TECPR2: variants seen among roughly 807,000 people sequenced by gnomAD.
The protein encoded by TECPR2 is tectonin beta-propeller repeat-containing protein 2.
TECPR2 carries 65 observed loss-of-function variants against 138.1 expected under a neutral mutation model. The observed-to-expected ratio is 0.47, with a 90% CI of 0.39 to 0.58. The LOEUF is 0.58. Among genes scored for constraint, TECPR2 ranks in the 20% least tolerant of loss-of-function variants. TECPR2 has a pLI of 0.00. For missense variants in TECPR2, 1,553 were observed against 1,824.5 expected (o/e 0.85, Z 2.71); for synonymous variants, 746 against 749.8 (o/e 0.99, Z 0.08).
rs10438240 is a variant in TECPR2 at position 102,415,371 on chromosome 14, T to G, written c.638+578T>G. On this transcript the variant is annotated intron_variant, in intron 5 of 19. Coordinates refer to ENST00000359520, the MANE Select transcript of TECPR2 (RefSeq NM_014844.5). This position sits in a 1 kb window ranked among gnomAD's most constrained non-coding sequence, Gnocchi z 4.3. ...AGGTGAAGGGTCAGGGAAGACATCC[T>G]GAAGGCATGGGTTCCAGGTTGAGAG... Among the ~76,000 whole-genome samples, 898 of 152,304 alleles carry G rather than the reference T, an allele frequency of 5.9e-3. 9 individuals are homozygous for G. The highest frequency in any genetic ancestry group is 0.021 in the African/African-American group (855 of 41,564).
chr14:102,371,218 G>A (rs952830298), intron 1 of TECPR2, among the ~76,000 whole-genome samples: 6 of 152,166 alleles, frequency 3.9e-5, no homozygotes, highest in Non-Finnish European at 5.9e-5. Context: ...CTGGGGGTTG[G>A]GTGAGGTGGA....
At chr14:102,467,593 T>C (rs902226373) in intron 17 of TECPR2, among the ~76,000 whole-genome samples, 21 of 152,152 alleles carry the variant, frequency 1.4e-4, no homozygotes, top group African/African-American at 5.1e-4. Context: ...CCCAAAGTGC[T>C]GGGATTACAG....
Position 102,441,084 on chromosome 14 carries a change from A to T in TECPR2, c.2752+475A>T, listed in dbSNP as rs1264104177. Among the ~76,000 whole-genome samples, 3 of 151,912 alleles carry T rather than the reference A, an allele frequency of 2.0e-5. 1 individual carries two copies. Among genetic ancestry groups the T allele is most frequent in the South Asian group, 4.1e-4 (2 of 4,828 alleles). Reference sequence around the variant, plus strand: ...AAATAATTTGCTCTTTTTTATTTTGAGACGGAGTCTCGCTCTCTTGCCCAG... The same window carrying T: ...AAATAATTTGCTCTTTTTTATTTTGTGACGGAGTCTCGCTCTCTTGCCCAG... On this transcript the variant is annotated intron_variant, in intron 11 of 19. Coordinates refer to ENST00000359520, the MANE Select transcript of TECPR2 (RefSeq NM_014844.5).
Position 102,388,378 on chromosome 14 carries a change from G to GT in TECPR2, c.219+11447dup, listed in dbSNP as rs1000478516. Among the ~76,000 whole-genome samples the GT allele has an allele frequency of 2.8e-4, 42 of 151,278 alleles. No individual in the cohort carries two copies. In the East Asian group the frequency reaches 4.8e-3, roughly 17 times the overall value. On this transcript the variant is annotated intron_variant, in intron 2 of 19. Transcript: ENST00000359520. The stretch of plus-strand genomic sequence containing the variant: ...CCTGAGTTCAACTGAATTCCAATAG[G>GT]TTTTTTTTTAGTGTTAATTTAAAAA...
intron 17 of TECPR2, among the ~76,000 whole-genome samples, chr14:102,485,976 G>A (rs931210896): frequency 6.6e-6 from 1 of 152,230 alleles, no homozygotes; most frequent in African/African-American, 2.4e-5. Flanking sequence ...TAGACAGGAA[G>A]AGTGGCCAGT....
In TECPR2 at chr14:102,449,687, A is replaced by G. The variant is rs934149108; in HGVS notation, c.3134A>G (p.His1045Arg). The G allele has an allele frequency of 2.0e-5, 33 of 1,614,130 alleles. No individual in the cohort carries two copies. The highest frequency in any genetic ancestry group is 2.8e-5 in the Non-Finnish European group (33 of 1,180,034). The change falls in exon 14 of 20, where the codon CAT becomes CGT. Residue 1045 changes from histidine to arginine, a missense_variant. Transcript: ENST00000359520. ...TGCAGCTTATTTCAGACGATAATCC[A>G]TGCCACTCACTCGGTGGCCACAGCA... ...DQCSLFQTII[H>R]ATHSVATAAQ...
chr14:102,440,980 G>C (rs1397251571), intron 11 of TECPR2, among the ~76,000 whole-genome samples: 2 of 152,070 alleles, frequency 1.3e-5, no homozygotes, highest in African/African-American at 4.8e-5. Context: ...TAAAGTTTAA[G>C]TGGCTGCATT....
chr14:102,414,939 C>T (rs534323216), intron 5 of TECPR2, 146 bp downstream of exon 5: 5 of 958,350 alleles, frequency 5.2e-6, no homozygotes, highest in Non-Finnish European at 7.7e-6. Flanking sequence ...TGGTGGGGCC[C>T]TGTGCCTGCT....
At chr14:102,399,559 G>A (rs930537254) in intron 2 of TECPR2, among the ~76,000 whole-genome samples, 10 of 152,070 alleles carry the variant, frequency 6.6e-5, no homozygotes, top group East Asian at 1.9e-4. Context: ...GGCCGGGCAC[G>A]GTGGCTCATG....
Position 102,500,067 on chromosome 14 carries a change from C to T in TECPR2, c.*1810C>T, listed in dbSNP as rs989435390. 1 of 152,712 alleles carries T rather than the reference C, an allele frequency of 6.5e-6. No homozygotes were observed. Among genetic ancestry groups the T allele is most frequent in the African/African-American group, 2.4e-5 (1 of 41,472 alleles). The allele number at this position is 152,712 out of a possible 1,614,324, so 9.5% of individuals were successfully genotyped here. A position where few individuals can be genotyped will look rare whatever the true frequency, so the allele number is the denominator to read the frequency against. On this transcript the variant is annotated 3_prime_UTR_variant, in exon 20 of 20. Coordinates refer to ENST00000359520, the MANE Select transcript of TECPR2 (RefSeq NM_014844.5). ...TGGGACTGTAGTGCAATTAAACCCG[C>T]GTCTAGGTGATGCTTTTAAAGTTGT...
At position 102,488,871 on chromosome 14, in the gene TECPR2, C is replaced by T. The variant is rs140883321; in HGVS notation, c.3790-8108C>T. On this transcript the variant is annotated intron_variant, in intron 17 of 19. Coordinates refer to ENST00000359520, the MANE Select transcript of TECPR2 (RefSeq NM_014844.5). ...GTGCAACCATTGTCACTATATAGTTCCAGAACATTCTTTTTTTTTTCTTTT... is the reference window on the plus strand; with the variant it reads ...GTGCAACCATTGTCACTATATAGTTTCAGAACATTCTTTTTTTTTTCTTTT... Among the ~76,000 whole-genome samples, 1,375 of 151,684 alleles carry T rather than the reference C, an allele frequency of 9.1e-3. 9 individuals carry two copies. The highest frequency in any genetic ancestry group is 0.02 in the Middle Eastern group (6 of 294).
chr14:102,392,269 A>G (rs1016926719), intron 2 of TECPR2, among the ~76,000 whole-genome samples: 1 of 152,236 alleles, frequency 6.6e-6, no homozygotes, highest in African/African-American at 2.4e-5. Context: ...CTGGGATTAC[A>G]GGCGTGAGCC....
In TECPR2 at chr14:102,395,777, G is replaced by A. The variant is rs559157581; in HGVS notation, c.220-11561G>A. On this transcript the variant is annotated intron_variant, in intron 2 of 19. Coordinates refer to ENST00000359520, the MANE Select transcript of TECPR2 (RefSeq NM_014844.5). ...CACACCGTGGCACTCCGGCCTGGGC[G>A]ACAGAGCGAGACTCTGTCTCCAAAA... is the stretch of plus-strand genomic sequence containing the variant. 3.3e-5 allele frequency among the ~76,000 whole-genome samples: 5 copies of A among 152,278 alleles called. No individual in the cohort carries two copies. The East Asian group carries it at 7.7e-4, about 24-fold the overall frequency.
At chr14:102,401,410 G>T (rs922781853) in intron 2 of TECPR2, among the ~76,000 whole-genome samples, 1 of 142,828 alleles carries the variant, frequency 7.0e-6, no homozygotes, top group African/African-American at 2.6e-5. Context: ...TTGCACTCCA[G>T]CCTGGGCAAC....
chr14:102,497,603 G>C lies in TECPR2; in HGVS notation c.3965G>C (p.Arg1322Thr), dbSNP rs761816443. Residue 1322 changes from arginine (R) to threonine (T), a missense_variant, in exon 19 of 20, where the codon AGG becomes ACG. By Grantham distance (71) the Arg-to-Thr change is moderately conservative. Transcript: ENST00000359520. ...LQACQLALST[R>T]TVWARCPNGD... ...GCCTGCCAGCTGGCGCTGAGCACCA[G>C]GACCGTGTGGGCCCGCTGTCCAAAC... is the stretch of plus-strand genomic sequence containing the variant. The C allele has an allele frequency of 6.2e-6, 10 of 1,608,460 alleles. No homozygotes were observed. Among genetic ancestry groups the C allele is most frequent in the Admixed American group, 1.7e-5 (1 of 59,646 alleles).
chr14:102,447,813 G>A (rs1276512025), intron 13 of TECPR2, among the ~76,000 whole-genome samples: 3 of 152,190 alleles, frequency 2.0e-5, no homozygotes, highest in South Asian at 4.2e-4. Context: ...GATTATAGGC[G>A]TGAACCACCG....
chr14:102,451,345 G>A (rs539547477), intron 15 of TECPR2, among the ~76,000 whole-genome samples: 2 of 152,360 alleles, frequency 1.3e-5, no homozygotes, highest in African/African-American at 4.8e-5. Flanking sequence ...GTGGTGAAGA[G>A]GGAATCGTTT....
chr14:102,480,273 G>C (rs1416824206), intron 17 of TECPR2, among the ~76,000 whole-genome samples: 5 of 151,214 alleles, frequency 3.3e-5, no homozygotes, highest in African/African-American at 1.2e-4. Context: ...CGCCCAGGCT[G>C]GAGTGCAGTG....
intron 9 of TECPR2, among the ~76,000 whole-genome samples, chr14:102,435,792 C>CT (rs1889655063): frequency 6.6e-6 from 1 of 152,216 alleles, no homozygotes; most frequent in Non-Finnish European, 1.5e-5. Context: ...GCACATGTAA[C>CT]TAGGAGATGA....
Sources: gnomAD v4.1 joint callset for allele counts (sites outside exome capture counted in the v4.1 genomes callset) on GRCh38, gnomAD v4.1.1 for gene constraint, Gnocchi (gnomAD v3.1) non-coding constraint, MANE v1.5 for transcripts, NCBI Gene and HGNC (gene_info 2026-07-23, HGNC 2026-07-21) for gene names.